PEX6: variants seen among roughly 807,000 people sequenced by gnomAD.
PEX6 encodes peroxisome biogenesis factor 6.
A neutral mutation model predicts 85.6 loss-of-function variants in PEX6; 55 were observed. The ratio of observed to expected loss-of-function variants is 0.64; its 90% CI spans 0.52 to 0.80. PEX6 has a LOEUF of 0.80. PEX6 is among the 30% of genes least tolerant of loss of function. The pLI is 0.00. For missense variants in PEX6, 1,099 were observed against 1,260.3 expected (o/e 0.87, Z 1.94); for synonymous variants, 519 against 549.1 (o/e 0.95, Z 0.77).
In PEX6 at chr6:42,969,895, G is replaced by C. The variant is rs987165632; in HGVS notation, c.1223C>G (p.Ser408Cys). 6.2e-7 allele frequency: 1 copy of C among 1,614,082 alleles called. No homozygotes were observed. The highest frequency in any genetic ancestry group is 1.7e-5 in the Admixed American group (1 of 60,016). Reference protein sequence around the residue: ...SAYLADTTHTSLYMVGSTLSP... With the variant: ...SAYLADTTHTCLYMVGSTLSP... ...TCCTTGGGGCCTCACCATGTACAAG[G>C]AGGTATGGGTGGTGTCGGCCAAGTA... The change falls in exon 4 of 17, where the codon TCC (serine) becomes TGC (cysteine). Residue 408 changes from serine (S) to cysteine (C), a missense_variant. Physicochemically the swap from Ser to Cys is moderately radical, Grantham distance 112. Around this residue, in one of 3 missense-constraint regions of PEX6, gnomAD observed 579 missense variants for 611.6 expected, o/e 0.95. Coordinates refer to ENST00000304611, the MANE Select transcript of PEX6 (RefSeq NM_000287.4).
Position 42,968,962 on chromosome 6 carries a change from C to G in PEX6, c.1391G>C (p.Ser464Thr). The G allele has an allele frequency of 1.9e-6, 3 of 1,613,876 alleles. No homozygotes were observed. Among genetic ancestry groups the G allele is most frequent in the Non-Finnish European group, 2.5e-6 (3 of 1,179,846 alleles). ...QPGGALLTGT[S>T]SVLLRGPPGC... ...TGGGGGGCCCCGTAGAAGGACACTG[C>G]TAGTTCCTGTCAGCAGGGCACCCCT... The change falls in exon 6 of 17, where the codon AGC becomes ACC. Residue 464 changes from serine (S) to threonine (T), a missense_variant. Transcript: ENST00000304611.
At chr6:42,976,535 G>A (rs1770307750) in intron 1 of PEX6, among the ~76,000 whole-genome samples, 3 of 151,954 alleles carry the variant, frequency 2.0e-5, no homozygotes, top group African/African-American at 7.3e-5. Flanking sequence ...GCTGATTTTT[G>A]TATTTTTAGT....
At position 42,965,655 on chromosome 6, in the gene PEX6, G is replaced by A. The variant is rs1769759652; in HGVS notation, c.2471+26C>T. 6.5e-7 allele frequency: 1 copy of A among 1,528,012 alleles called. No homozygotes were observed. The highest frequency in any genetic ancestry group is 9.1e-7 in the Non-Finnish European group (1 of 1,101,780). 94.7% of individuals were successfully genotyped at this position (1,528,012 alleles called of 1,614,324 possible). ...TATCCTTCCCACCCTGGACCCCTCA[G>A]CTTTCATTCCCACTCAGACCCCTAC... is the stretch of plus-strand genomic sequence containing the variant. On this transcript the variant is annotated intron_variant, in intron 13 of 16. Transcript: ENST00000304611. The surrounding 1 kb of genome is among the most constrained non-coding windows in gnomAD (Gnocchi z 5.0).
rs1770056730 is a variant in PEX6, at chr6:42,971,618, G to C, written c.1131-1631C>G. Among the ~76,000 whole-genome samples, 2 of 152,242 alleles carry C rather than the reference G, an allele frequency of 1.3e-5. No homozygotes were observed. Among genetic ancestry groups the C allele is most frequent in the Non-Finnish European group, 2.9e-5 (2 of 68,044 alleles). On this transcript the variant is annotated intron_variant, in intron 3 of 16. Transcript: ENST00000304611. This position sits in a 1 kb window ranked among gnomAD's most constrained non-coding sequence, Gnocchi z 4.4. ...CTTTCCAGGGCTCACAGGAACTTCTGCAGGGCTTCCCTTCTCAAGCCCAGT... is the reference window on the plus strand; with the variant it reads ...CTTTCCAGGGCTCACAGGAACTTCTCCAGGGCTTCCCTTCTCAAGCCCAGT...
chr6:42,979,032 A>G lies in PEX6; in HGVS notation c.119T>C (p.Leu40Pro). ...PAAELGLVLA[L>P]RPAGESPAGP... is the part of the protein sequence containing the mutation. ...TGCCGGGCTCTCCCCTGCAGGCCTC[A>G]GGGCCAGCACCAGGCCCAGCTCCGC... The change falls in exon 1 of 17, where the codon CTG becomes CCG. Residue 40 changes from leucine to proline, a missense_variant. Around this residue, in one of 3 missense-constraint regions of PEX6, gnomAD observed 579 missense variants for 611.6 expected, o/e 0.95. Transcript: ENST00000304611. 6.5e-7 allele frequency: 1 copy of G among 1,531,642 alleles called. No individual in the cohort carries two copies. The highest frequency in any genetic ancestry group is 8.7e-7 in the Non-Finnish European group (1 of 1,145,550). 94.9% of individuals were successfully genotyped at this position (1,531,642 alleles called of 1,614,324 possible). A position where few individuals can be genotyped will look rare whatever the true frequency, so the allele number is the denominator to read the frequency against.
At position 42,964,677 on chromosome 6, in the gene PEX6, A is replaced by T; in HGVS notation, c.2806+113T>A. 1 of 1,464,138 alleles carries T rather than the reference A, an allele frequency of 6.8e-7. No individual in the cohort carries two copies. Among genetic ancestry groups the T allele is most frequent in the Non-Finnish European group, 9.5e-7 (1 of 1,048,882 alleles). 90.7% of individuals were successfully genotyped at this position (1,464,138 alleles called of 1,614,324 possible). A position where few individuals can be genotyped will look rare whatever the true frequency, so the allele number is the denominator to read the frequency against. On this transcript the variant is annotated intron_variant, in intron 16 of 16. Transcript: ENST00000304611. The surrounding 1 kb of genome is among the most constrained non-coding windows in gnomAD (Gnocchi z 4.6). Reference sequence around the variant, plus strand: ...TCTGTGTTGCCCAGGCTGGCCTCAAACTCCTGGGCTCAAGCGATCCTCCCA... The same window carrying T: ...TCTGTGTTGCCCAGGCTGGCCTCAATCTCCTGGGCTCAAGCGATCCTCCCA...
At position 42,966,239 on chromosome 6, in the gene PEX6, C is replaced by T. The variant is rs1490924068; in HGVS notation, c.2300+3G>A. ...CACCATCCCTTCCAGGCCCCCTGGCCACCTGAGGAAGGTAAGGCTGCACTC... is the reference window on the plus strand; with the variant it reads ...CACCATCCCTTCCAGGCCCCCTGGCTACCTGAGGAAGGTAAGGCTGCACTC... On this transcript the variant is annotated splice_donor_region_variant and intron_variant, in intron 11 of 16. Transcript: ENST00000304611. 2 of 1,612,024 alleles carry T rather than the reference C, an allele frequency of 1.2e-6. No homozygotes were observed. Among genetic ancestry groups the T allele is most frequent in the East Asian group, 4.5e-5 (2 of 44,866 alleles).
At position 42,965,504 on chromosome 6, in the gene PEX6, C is replaced by G; in HGVS notation, c.2472-136G>C. Reference sequence around the variant, plus strand: ...TGCCCAATGTGCCCCACCAGGTAGGCCCCCATTCTCCTCAGTGGACCCTGC... The same window carrying G: ...TGCCCAATGTGCCCCACCAGGTAGGGCCCCATTCTCCTCAGTGGACCCTGC... On this transcript the variant is annotated intron_variant, in intron 13 of 16. Transcript: ENST00000304611. This position sits in a 1 kb window ranked among gnomAD's most constrained non-coding sequence, Gnocchi z 5.0. 1 of 887,866 alleles carries G rather than the reference C, an allele frequency of 1.1e-6. No individual in the cohort carries two copies. The highest frequency in any genetic ancestry group is 1.9e-6 in the Non-Finnish European group (1 of 523,306). 55.0% of individuals were successfully genotyped at this position (887,866 alleles called of 1,614,324 possible).
rs746578841 is a variant in PEX6, at chr6:42,978,803, G to A, written c.348C>T (p.Leu116=). The change falls in exon 1 of 17, where the codon CTC becomes CTT. Residue 116 remains leucine (L), a synonymous_variant. Coordinates refer to ENST00000304611, the MANE Select transcript of PEX6 (RefSeq NM_000287.4). ...CCAGCAGCGGCCCGACTCGCGGTCC[G>A]AGCCCAGGCCCCAGCGAGGTGCCAA... is the stretch of plus-strand genomic sequence containing the variant. ...ALLGTSLGPG[L]GPRVGPLLVR... The A allele has an allele frequency of 3.8e-5, 58 of 1,533,498 alleles. No homozygotes were observed. Among genetic ancestry groups the A allele is most frequent in the Non-Finnish European group, 7.9e-6 (9 of 1,146,430 alleles). 95.0% of individuals were successfully genotyped at this position (1,533,498 alleles called of 1,614,324 possible). A position where few individuals can be genotyped will look rare whatever the true frequency, so the allele number is the denominator to read the frequency against.
rs1769819377 is a variant in PEX6, at chr6:42,966,630, A to T, written c.1989T>A (p.Asp663Glu). The T allele has an allele frequency of 6.2e-7, 1 of 1,614,114 alleles. No homozygotes were observed. Among genetic ancestry groups the T allele is most frequent in the East Asian group, 2.2e-5 (1 of 44,888 alleles). The change falls in exon 10 of 17, where the codon GAT becomes GAA. Residue 663 changes from aspartate (D) to glutamate (E), a missense_variant. Asp to Glu is a conservative substitution (Grantham distance 45). Transcript: ENST00000304611. ...SGLAGGLTEE[D>E]EGELCAAGFP... ...AGCCGGCAGCACACAGCTCCCCCTC[A>T]TCCTCCTCAGTCAAGCCACCTGCCA... is the stretch of plus-strand genomic sequence containing the variant.
intron 3 of PEX6, 82 bp from the exon 4 acceptor site, chr6:42,970,069 G>T: frequency 9.0e-7 from 1 of 1,106,942 alleles, no homozygotes; most frequent in Non-Finnish European, 1.4e-6. Flanking sequence ...CAATCACAGA[G>T]GACAAACAAA....
chr6:42,964,788 A>C lies in PEX6; in HGVS notation c.2806+2T>G. 6.2e-7 allele frequency: 1 copy of C among 1,613,694 alleles called. No homozygotes were observed. Among genetic ancestry groups the C allele is most frequent in the Non-Finnish European group, 8.5e-7 (1 of 1,179,902 alleles). On this transcript the variant is annotated splice_donor_variant, in intron 16 of 16. Coordinates refer to ENST00000304611, the MANE Select transcript of PEX6 (RefSeq NM_000287.4). LOFTEE classifies it high-confidence loss of function. The surrounding 1 kb of genome is among the most constrained non-coding windows in gnomAD (Gnocchi z 4.6). Reference sequence around the variant, plus strand: ...GACCTCTCAGACCGGCAAGTGGCTCACCTTCCTCCAGGTCATGAACCCTGC... The same window carrying C: ...GACCTCTCAGACCGGCAAGTGGCTCCCCTTCCTCCAGGTCATGAACCCTGC...
chr6:42,969,284 T>C (rs1305838421), intron 5 of PEX6, among the ~76,000 whole-genome samples: 2 of 152,108 alleles, frequency 1.3e-5, no homozygotes, highest in Non-Finnish European at 2.9e-5. Context: ...TTGAGAGACA[T>C]TGTGGTGGCA....
At chr6:42,972,941 G>A (rs1445051130) in intron 3 of PEX6, among the ~76,000 whole-genome samples, 1 of 152,088 alleles carries the variant, frequency 6.6e-6, no homozygotes, top group Admixed American at 6.6e-5. Flanking sequence ...GGCTAAGAAC[G>A]GAAAGGAAGG....
rs752636632 is a variant in PEX6 at position 42,966,626 on chromosome 6, C to A, written c.1993G>T (p.Gly665Trp). Residue 665 changes from glycine to tryptophan, a missense_variant, in exon 10 of 17, where the codon GGG becomes TGG. By Grantham distance (184) the Gly-to-Trp change is radical (BLOSUM62 -2). Transcript: ENST00000304611. ...LAGGLTEEDE[G>W]ELCAAGFPLL... is the part of the protein sequence containing the mutation. ...GGAAAGCCGGCAGCACACAGCTCCC[C>A]CTCATCCTCCTCAGTCAAGCCACCT... 7 of 1,614,156 alleles carry A rather than the reference C, an allele frequency of 4.3e-6. No homozygotes were observed. In the Admixed American group the frequency reaches 1.2e-4, roughly 27 times the overall value.
At position 42,968,879 on chromosome 6, in the gene PEX6, G is replaced by A; in HGVS notation, c.1474C>T (p.Leu492=). The stretch of plus-strand genomic sequence containing the variant: ...TACTCTCCAGAGACCCTCACCTTCA[G>A]TAAGTGGAGCCCAAGGTGACTACAG... ...AACSHLGLHL[L]KVPCSSLCAE... The change falls in exon 6 of 17, where the codon CTG becomes TTG. Residue 492 remains leucine (L), a synonymous_variant. Transcript: ENST00000304611. 1 of 1,612,412 alleles carries A rather than the reference G, an allele frequency of 6.2e-7. No individual in the cohort carries two copies. The highest frequency in any genetic ancestry group is 1.1e-5 in the South Asian group (1 of 91,062).
rs763098526 is a variant in PEX6, at chr6:42,965,254, G to T, written c.2586C>A (p.Gly862=). 2.5e-6 allele frequency: 4 copies of T among 1,613,150 alleles called. No homozygotes were observed. The highest frequency in any genetic ancestry group is 1.7e-5 in the Admixed American group (1 of 60,002). Residue 862 remains glycine, a splice_region_variant and synonymous_variant, in exon 14 of 17, where the codon GGC becomes GGA. Coordinates refer to ENST00000304611, the MANE Select transcript of PEX6 (RefSeq NM_000287.4). This position sits in a 1 kb window ranked among gnomAD's most constrained non-coding sequence, Gnocchi z 5.0. ...GATGAGCAGTACAAGGGGCCCACCTGCCAGGCCGCAGAAGGGCAGGGTCCA... is the reference window on the plus strand; with the variant it reads ...GATGAGCAGTACAAGGGGCCCACCTTCCAGGCCGCAGAAGGGCAGGGTCCA... ...DLLDPALLRP[G]RFDKLVFVGA... is the part of the protein sequence containing the mutation.
rs967634563 is a variant in PEX6 at position 42,967,694 on chromosome 6, T to C, written c.1689-131A>G. 15 of 725,334 alleles carry C rather than the reference T, an allele frequency of 2.1e-5. No homozygotes were observed. The African/African-American group carries it at 2.3e-4, about 11-fold the overall frequency. 44.9% of individuals were successfully genotyped at this position (725,334 alleles called of 1,614,324 possible). ...CTAGGATGGGGTAGGGAGATGAGCA[T>C]CTACCCCAGTTCCTAGATGGGGGAA... is the stretch of plus-strand genomic sequence containing the variant. On this transcript the variant is annotated intron_variant, in intron 7 of 16. Transcript: ENST00000304611.
At position 42,978,533 on chromosome 6, in the gene PEX6, C is replaced by G. The variant is rs200477648; in HGVS notation, c.618G>C (p.Gly206=). Residue 206 remains glycine (G), a synonymous_variant, in exon 1 of 17, where the codon GGG becomes GGC. Transcript: ENST00000304611. ...GVLGGTGDSL[G]VSRSCLRGLG... ...GGCCACGGAGACAGCTCCGGCTCAC[C>G]CCTAGTGAATCTCCAGTCCCTCCCA... The G allele has an allele frequency of 1.9e-6, 3 of 1,614,000 alleles. No homozygotes were observed. Among genetic ancestry groups the G allele is most frequent in the Non-Finnish European group, 2.5e-6 (3 of 1,180,030 alleles).
Sources: allele counts gnomAD v4.1 joint callset (sites outside exome capture counted in the v4.1 genomes callset), GRCh38; gene constraint gnomAD v4.1.1; regional missense constraint gnomAD v4.1.1; non-coding constraint Gnocchi (gnomAD v3.1); transcripts MANE v1.5; gene names NCBI Gene and HGNC (gene_info 2026-07-23, HGNC 2026-07-21).